The following SBF2 variants were observed in gnomAD, a reference collection of about 807,000 sequenced individuals.
The protein encoded by SBF2 is SET binding factor 2.
SBF2 carries 112 observed loss-of-function variants against 225.2 expected under a neutral mutation model. That is an observed-to-expected ratio of 0.50 (90% CI 0.43 to 0.58). The LOEUF is 0.58. Among genes scored for constraint, SBF2 ranks in the 20% least tolerant of loss-of-function variants. SBF2 has a pLI of 0.00. For synonymous variants in SBF2, 763 were observed against 773.3 expected, an observed-to-expected ratio of 0.99 and a Z score of 0.22; for missense variants, 1,996 against 2,206.2, an observed-to-expected ratio of 0.90 and a Z score of 1.91.
Position 10,211,014 on chromosome 11 carries a change from C to CAAAAA in SBF2, c.56-17032_56-17028dup, listed in dbSNP as rs1230619092. 1.1e-3 allele frequency among the ~76,000 whole-genome samples: 35 copies of CAAAAA among 33,062 alleles called. 6 individuals carry two copies. Among genetic ancestry groups the CAAAAA allele is most frequent in the African/African-American group, 8.1e-4 (10 of 12,350 alleles). 21.7% of individuals were successfully genotyped at this position (33,062 alleles called of 152,430 possible). On this transcript the variant is annotated intron_variant, in intron 1 of 39. Coordinates refer to ENST00000256190, the MANE Select transcript of SBF2 (RefSeq NM_030962.4). ...GGCGACAAGAGCAAGACTCTTGACT[C>CAAAAA]AAAAAAAAAAAAAAAAAAAAAGAGC...
chr11:10,095,174 T>C (rs936014015), intron 2 of SBF2, among the ~76,000 whole-genome samples: 7 of 152,060 alleles, frequency 4.6e-5, no homozygotes, highest in African/African-American at 1.7e-4. Context: ...CCTCACATCT[T>C]AGCCTCCCAA....
intron 27 of SBF2, among the ~76,000 whole-genome samples, chr11:9,830,383 A>T (rs1855314654): frequency 6.6e-6 from 1 of 152,220 alleles, no homozygotes; most frequent in African/African-American, 2.4e-5. Context: ...AAAAACTGCC[A>T]TTTAAACTAT....
intron 17 of SBF2, among the ~76,000 whole-genome samples, chr11:9,877,967 A>G (rs992767875): frequency 6.6e-6 from 1 of 152,206 alleles, no homozygotes; most frequent in African/African-American, 2.4e-5. Flanking sequence ...CTAAGGAATC[A>G]CCACACTGTC....
chr11:9,940,130 G>C lies in SBF2; in HGVS notation c.1860+21827C>G, dbSNP rs527408903. Among the ~76,000 whole-genome samples the C allele has an allele frequency of 5.9e-5, 9 of 152,298 alleles. No homozygotes were observed. The South Asian group carries it at 8.3e-4, about 14-fold the overall frequency. On this transcript the variant is annotated intron_variant, in intron 16 of 39. Transcript: ENST00000256190. ...AGTACACACTATGCTAAGGCCGGGC[G>C]CGGTGGCTCACGCCTGTAATCCCAG...
intron 16 of SBF2, among the ~76,000 whole-genome samples, chr11:9,953,241 C>G (rs1865964355): frequency 6.6e-6 from 1 of 152,108 alleles, no homozygotes; most frequent in African/African-American, 2.4e-5. Context: ...GTCAGGAGTT[C>G]AAGACCAGCC....
At chr11:10,298,742 C>T (rs1306528863), upstream of SBF2, among the ~76,000 whole-genome samples, 1 of 152,178 alleles carries the variant, frequency 6.6e-6, no homozygotes, top group Non-Finnish European at 1.5e-5. Context: ...TGACAGCTGC[C>T]TCTCAGCCCC....
chr11:9,855,096 G>A (rs1857221268), intron 19 of SBF2, among the ~76,000 whole-genome samples: 1 of 152,150 alleles, frequency 6.6e-6, no homozygotes. Context: ...GATCCTTTTG[G>A]CAGTAGAAAG....
chr11:9,925,836 C>T (rs2134239998), intron 16 of SBF2, among the ~76,000 whole-genome samples: 1 of 152,248 alleles, frequency 6.6e-6, no homozygotes, highest in East Asian at 1.9e-4. Flanking sequence ...CTTTTGGCTG[C>T]TATTTTTAGA....
At position 9,819,737 on chromosome 11, in the gene SBF2, A is replaced by C. The variant is rs111798996; in HGVS notation, c.3794-2713T>G. 4.2e-3 allele frequency among the ~76,000 whole-genome samples: 635 copies of C among 152,348 alleles called. 6 individuals carry two copies. Among genetic ancestry groups the C allele is most frequent in the Non-Finnish European group, 6.8e-3 (465 of 68,034 alleles). On this transcript the variant is annotated intron_variant, in intron 28 of 39. Coordinates refer to ENST00000256190, the MANE Select transcript of SBF2 (RefSeq NM_030962.4). ...GAATGGCGAATGCTGCATGTTGTAC[A>C]ACACGTTTGTTCTTTGAGCAAGGTC... is the stretch of plus-strand genomic sequence containing the variant.
At chr11:10,063,354 T>A (rs12360574) in intron 2 of SBF2, among the ~76,000 whole-genome samples, 1 of 124,304 alleles carries the variant, frequency 8.0e-6, no homozygotes, top group Non-Finnish European at 1.8e-5. Flanking sequence ...ATTTTTTTAA[T>A]TTTTTTATTT....
At chr11:10,027,904 A>G (rs1949107842) in intron 6 of SBF2, among the ~76,000 whole-genome samples, 1 of 152,144 alleles carries the variant, frequency 6.6e-6, no homozygotes, top group Admixed American at 6.5e-5. Context: ...TGCAAAATAT[A>G]TCATCTATTC....
intron 16 of SBF2, among the ~76,000 whole-genome samples, chr11:9,923,710 T>A (rs7125054): frequency 0.31 from 46,804 of 152,016 alleles, 8,714 homozygotes; most frequent in African/African-American, 0.53. Flanking sequence ...GCAGTAAACT[T>A]TGGAATGTAA....
At chr11:9,847,196 G>A (rs1856610667) in intron 22 of SBF2, 113 bp from the exon 23 acceptor site, 1 of 1,300,288 alleles carries the variant, frequency 7.7e-7, no homozygotes, top group Non-Finnish European at 1.1e-6. Flanking sequence ...AGAGGACACT[G>A]CCCAGGGATG....
chr11:10,023,130 C>T (rs896943908), intron 6 of SBF2, among the ~76,000 whole-genome samples: 3 of 152,072 alleles, frequency 2.0e-5, no homozygotes, highest in Non-Finnish European at 4.4e-5. Flanking sequence ...CCCTCAACTA[C>T]TATTGGTTAT....
intron 17 of SBF2, among the ~76,000 whole-genome samples, chr11:9,863,324 T>C (rs1012941938): frequency 6.6e-6 from 1 of 152,224 alleles, no homozygotes; most frequent in Non-Finnish European, 1.5e-5. Flanking sequence ...TGGCTAGACA[T>C]GTTAGTTCCC....
chr11:9,919,274 T>TTC (rs1863391241), intron 16 of SBF2, among the ~76,000 whole-genome samples: 2 of 151,656 alleles, frequency 1.3e-5, no homozygotes, highest in Non-Finnish European at 2.9e-5. Flanking sequence ...CTTCTTCTTT[T>TTC]TTTTTTTTGA....
At chr11:9,853,855 T>C in intron 19 of SBF2, 143 bp from the exon 20 acceptor site, 1 of 793,732 alleles carries the variant, frequency 1.3e-6, no homozygotes, top group Non-Finnish European at 2.2e-6. Flanking sequence ...CCATGGCTCC[T>C]TGGTAAGTGA....
chr11:10,080,518 C>T (rs746026752), intron 2 of SBF2, among the ~76,000 whole-genome samples: 2 of 150,806 alleles, frequency 1.3e-5, no homozygotes, highest in Non-Finnish European at 1.5e-5. Context: ...GGCAATGTGA[C>T]AAAACCCTAC....
chr11:9,966,249 T>G (rs887689378), intron 14 of SBF2, among the ~76,000 whole-genome samples: 1 of 152,014 alleles, frequency 6.6e-6, no homozygotes, highest in Non-Finnish European at 1.5e-5. Context: ...CCACCACGCC[T>G]GGCTAATTTT....
Sources: allele counts gnomAD v4.1 joint callset (sites outside exome capture counted in the v4.1 genomes callset), GRCh38; gene constraint gnomAD v4.1.1; transcripts MANE v1.5; gene names NCBI Gene and HGNC (gene_info 2026-07-23, HGNC 2026-07-21).